BBS9: variants seen among roughly 807,000 people sequenced by gnomAD.
The protein encoded by BBS9 is protein PTHB1.
In BBS9, 89 loss-of-function variants were observed where a neutral mutation model predicts 117.7. The ratio of observed to expected loss-of-function variants is 0.76; its 90% CI spans 0.64 to 0.90. The LOEUF is 0.90. BBS9 is among the 40% of genes least tolerant of loss of function. The pLI is 0.00. For synonymous variants in BBS9, 379 were observed against 370.9 expected (o/e 1.02, Z -0.25); for missense variants, 982 against 1,042.2 (o/e 0.94, Z 0.80).
chr7:33,506,107 TC>T (rs1309862314), intron 20 of BBS9, among the ~76,000 whole-genome samples: 9 of 152,216 alleles, frequency 5.9e-5, no homozygotes, highest in Non-Finnish European at 1.2e-4. Flanking sequence ...TTTATAGAGT[TC>T]TTTATGTGTA....
intron 21 of BBS9, among the ~76,000 whole-genome samples, chr7:33,596,403 A>T (rs1166487195): frequency 7.6e-6 from 1 of 132,130 alleles, no homozygotes; most frequent in Non-Finnish European, 1.6e-5. Flanking sequence ...ATATATAATT[A>T]GTCAAAAAAA....
rs1426310066 is a variant in BBS9, at chr7:33,369,085, A to G, written c.1789+1223A>G. 2.6e-5 allele frequency among the ~76,000 whole-genome samples: 4 copies of G among 152,196 alleles called. No homozygotes were observed. In the East Asian group the frequency reaches 7.7e-4, roughly 29 times the overall value. ...ATGAGATCTATCCACTTAAAATTTC[A>G]AATGTATAGTTCAATATTGCTAACT... On this transcript the variant is annotated intron_variant, in intron 17 of 22. Transcript: ENST00000242067.
At chr7:33,569,683 A>AC (rs1170651150) in intron 21 of BBS9, among the ~76,000 whole-genome samples, 2 of 152,018 alleles carry the variant, frequency 1.3e-5, no homozygotes, top group African/African-American at 4.8e-5. Context: ...AATGGCGTGA[A>AC]CCCGGGAGGA....
At chr7:33,593,581 A>C (rs533408688) in intron 21 of BBS9, among the ~76,000 whole-genome samples, 2 of 152,228 alleles carry the variant, frequency 1.3e-5, no homozygotes, top group East Asian at 3.9e-4. Flanking sequence ...CTGAGCAGTA[A>C]TTTTACAGTA....
At position 33,426,842 on chromosome 7, in the gene BBS9, C is replaced by T. The variant is rs144486805; in HGVS notation, c.2115+38698C>T. Among the ~76,000 whole-genome samples the T allele has an allele frequency of 2.6e-5, 4 of 152,104 alleles. No homozygotes were observed. The South Asian group carries it at 6.2e-4, about 24-fold the overall frequency. ...CTTTTGTTTCTGTGCATCTTGTGAG[C>T]GGAGGGACTAGTCAGTGCCTTTGTT... On this transcript the variant is annotated intron_variant, in intron 19 of 22. Coordinates refer to ENST00000242067, the MANE Select transcript of BBS9 (RefSeq NM_198428.3).
intron 21 of BBS9, among the ~76,000 whole-genome samples, chr7:33,598,548 A>G (rs1235348401): frequency 6.6e-6 from 1 of 152,224 alleles, no homozygotes; most frequent in African/African-American, 2.4e-5. Context: ...GTTGTAACAC[A>G]TGTACCACAC....
chr7:33,185,281 T>G (rs1798659344), intron 5 of BBS9, among the ~76,000 whole-genome samples: 1 of 152,136 alleles, frequency 6.6e-6, no homozygotes, highest in South Asian at 2.1e-4. Flanking sequence ...TGCAGCCCAG[T>G]AGGTCTCAGC....
chr7:33,231,723 A>G (rs1312981239), intron 5 of BBS9, among the ~76,000 whole-genome samples: 1 of 152,152 alleles, frequency 6.6e-6, no homozygotes, highest in Non-Finnish European at 1.5e-5. Context: ...AAAGAAATAG[A>G]CAGGAATGAC....
At chr7:33,462,175 T>A (rs968632616) in intron 19 of BBS9, among the ~76,000 whole-genome samples, 1 of 152,062 alleles carries the variant, frequency 6.6e-6, no homozygotes, top group Non-Finnish European at 1.5e-5. Context: ...TAATACTTGT[T>A]CCTTGTTAGC....
chr7:33,462,353 C>A (rs1024211771), intron 19 of BBS9, among the ~76,000 whole-genome samples: 1 of 151,898 alleles, frequency 6.6e-6, no homozygotes, highest in Admixed American at 6.6e-5. Context: ...GTTTTTTTGA[C>A]AAGAAATATA....
chr7:33,422,569 C>T lies in BBS9; in HGVS notation c.2115+34425C>T, dbSNP rs1833019806. On this transcript the variant is annotated intron_variant, in intron 19 of 22. Coordinates refer to ENST00000242067, the MANE Select transcript of BBS9 (RefSeq NM_198428.3). ...TTCCTGCTTTCTAGCTACCACAATT[C>T]AATTACTTTTGATTGTCCTGCTTTA... Among the ~76,000 whole-genome samples the T allele has an allele frequency of 2.0e-5, 3 of 152,212 alleles. No individual in the cohort carries two copies. The South Asian group carries it at 6.2e-4, about 32-fold the overall frequency.
At chr7:33,342,912 A>G (rs1438535515) in intron 11 of BBS9, among the ~76,000 whole-genome samples, 2 of 152,186 alleles carry the variant, frequency 1.3e-5, no homozygotes, top group Non-Finnish European at 2.9e-5. Flanking sequence ...TTAATATTTT[A>G]CTTTGAATCA....
intron 19 of BBS9, among the ~76,000 whole-genome samples, chr7:33,400,972 TG>T (rs1563121609): frequency 6.6e-6 from 1 of 152,238 alleles, no homozygotes; most frequent in Non-Finnish European, 1.5e-5. Context: ...TAGAATGTCA[TG>T]CAGTAAGATC....
At chr7:33,632,140 T>C (rs1865919394) in intron 21 of BBS9, among the ~76,000 whole-genome samples, 1 of 152,080 alleles carries the variant, frequency 6.6e-6, no homozygotes, top group South Asian at 2.1e-4. Flanking sequence ...CTCTCATAAG[T>C]GGGTTTTCTT....
chr7:33,485,692 G>A (rs6966995), intron 19 of BBS9, among the ~76,000 whole-genome samples: 41,398 of 152,034 alleles, frequency 0.27, 6,600 homozygotes, highest in African/African-American at 0.45. Flanking sequence ...GGTAGACATT[G>A]GGTGATATAA....
intron 16 of BBS9, among the ~76,000 whole-genome samples, chr7:33,361,781 C>G (rs1461874590): frequency 2.6e-5 from 4 of 152,012 alleles, no homozygotes; most frequent in Admixed American, 6.5e-5. Context: ...CTGCAATGAT[C>G]TCTATTCTAA....
chr7:33,283,704 C>T (rs2128379222), intron 9 of BBS9, among the ~76,000 whole-genome samples: 1 of 152,228 alleles, frequency 6.6e-6, no homozygotes, highest in South Asian at 2.1e-4. Flanking sequence ...CTCATGTCTA[C>T]CCCTTTCCTT....
In BBS9 at chr7:33,450,579, G is replaced by A. The variant is rs79216109; in HGVS notation, c.2116-54884G>A. ...TAGTGGCTGTCCTAATGGGGGTGAGGTGATAGCTCTTTGTGGTTTTGATTT... is the reference window on the plus strand; with the variant it reads ...TAGTGGCTGTCCTAATGGGGGTGAGATGATAGCTCTTTGTGGTTTTGATTT... On this transcript the variant is annotated intron_variant, in intron 19 of 22. Transcript: ENST00000242067. Among the ~76,000 whole-genome samples the A allele has an allele frequency of 8.7e-3, 1,330 of 152,238 alleles. 22 individuals are homozygous for A. Among genetic ancestry groups the A allele is most frequent in the African/African-American group, 0.031 (1,279 of 41,550 alleles).
rs1412682343 is a variant in BBS9 at position 33,247,972 on chromosome 7, G to A, written c.443-9264G>A. On this transcript the variant is annotated intron_variant, in intron 5 of 22. Transcript: ENST00000242067. Reference sequence around the variant, plus strand: ...TGTTATTAACCTTGTTCACAGTTTAGGGGAAAAGATTGTGATAAATAGCTT... The same window carrying A: ...TGTTATTAACCTTGTTCACAGTTTAAGGGAAAAGATTGTGATAAATAGCTT... Among the ~76,000 whole-genome samples the A allele has an allele frequency of 2.0e-5, 3 of 152,238 alleles. No homozygotes were observed. The South Asian group carries it at 6.2e-4, about 32-fold the overall frequency.
Sources: allele counts gnomAD v4.1 joint callset (sites outside exome capture counted in the v4.1 genomes callset), GRCh38; gene constraint gnomAD v4.1.1; transcripts MANE v1.5; gene names NCBI Gene and HGNC (gene_info 2026-07-23, HGNC 2026-07-21).